SUGCT: variants seen among roughly 807,000 people sequenced by gnomAD.
SUGCT encodes succinyl-CoA:glutarate-CoA transferase, also known as succinyl-CoA:glutarate CoA-transferase.
SUGCT carries 41 observed loss-of-function variants against 55.0 expected under a neutral mutation model. The ratio of observed to expected loss-of-function variants is 0.74; its 90% confidence interval spans 0.58 to 0.97. The LOEUF (loss-of-function observed/expected upper bound fraction) is 0.97. Among genes scored for constraint, SUGCT ranks in the 50% least tolerant of loss-of-function variants. The pLI, the probability that SUGCT is intolerant of heterozygous loss-of-function variation, is 0.00. For missense variants in SUGCT, 568 were observed against 547.8 expected, an observed-to-expected ratio of 1.04 and a Z score of -0.37; for synonymous variants, 187 against 200.4, an observed-to-expected ratio of 0.93 and a Z score of 0.56.
intron 13 of SUGCT, among the ~76,000 whole-genome samples, chr7:40,755,081 C>G (rs1320556912): frequency 6.6e-6 from 1 of 152,086 alleles, no homozygotes; most frequent in Non-Finnish European, 1.5e-5. Context: ...CACAGTGACC[C>G]CGAAGAGGGA....
chr7:40,183,945 G>A (rs375977435), intron 3 of SUGCT, among the ~76,000 whole-genome samples: 2 of 152,112 alleles, frequency 1.3e-5, no homozygotes, highest in African/African-American at 4.8e-5. Flanking sequence ...AGGACGAGGT[G>A]GGCGGATCGT....
intron 12 of SUGCT, among the ~76,000 whole-genome samples, chr7:40,679,727 A>C (rs1378632453): frequency 6.6e-6 from 1 of 152,212 alleles, no homozygotes; most frequent in African/African-American, 2.4e-5. Context: ...TAGAAGGTAG[A>C]GTCCTGAGTC....
chr7:40,241,669 T>A (rs931748289), intron 7 of SUGCT, among the ~76,000 whole-genome samples: 1 of 149,986 alleles, frequency 6.7e-6, no homozygotes, highest in Admixed American at 6.7e-5. Flanking sequence ...TGCCTGTAAT[T>A]CCAGCACTTT....
At chr7:40,355,594 A>T (rs944939453) in intron 9 of SUGCT, among the ~76,000 whole-genome samples, 2 of 152,350 alleles carry the variant, frequency 1.3e-5, no homozygotes, top group East Asian at 3.9e-4. Context: ...TATTTATGCA[A>T]TAAGAGAGGA....
At chr7:40,725,412 C>T (rs918781965) in intron 12 of SUGCT, among the ~76,000 whole-genome samples, 3 of 152,208 alleles carry the variant, frequency 2.0e-5, no homozygotes, top group Admixed American at 6.5e-5. Flanking sequence ...TGACACAATG[C>T]GTTTTCCGTG....
At chr7:40,930,560 G>A in the SUGCT span, among the ~76,000 whole-genome samples, 7 of 152,228 alleles carry the variant, frequency 4.6e-5, no homozygotes, top group South Asian at 6.2e-4. Flanking sequence ...TGAGCATGGA[G>A]TGTTCTTCCA....
At chr7:40,391,516 A>G (rs998485225) in intron 9 of SUGCT, among the ~76,000 whole-genome samples, 3 of 152,244 alleles carry the variant, frequency 2.0e-5, no homozygotes, top group African/African-American at 4.8e-5. Context: ...TTATGCAGCC[A>G]ACAGACACAT....
At chr7:40,370,344 C>T (rs1447484136) in intron 9 of SUGCT, among the ~76,000 whole-genome samples, 2 of 152,000 alleles carry the variant, frequency 1.3e-5, no homozygotes, top group Non-Finnish European at 2.9e-5. Flanking sequence ...TCTGTAGGGC[C>T]CTGCACTGTA....
intron 13 of SUGCT, among the ~76,000 whole-genome samples, chr7:40,800,458 T>A (rs941748032): frequency 3.3e-5 from 5 of 151,896 alleles, no homozygotes; most frequent in Admixed American, 6.6e-5. Context: ...CTGGCTAATT[T>A]TTTTTGTATT....
chr7:40,559,166 C>T (rs530965300), intron 12 of SUGCT, among the ~76,000 whole-genome samples: 1 of 152,284 alleles, frequency 6.6e-6, no homozygotes, highest in South Asian at 2.1e-4. Flanking sequence ...TAAAAGCTCT[C>T]CACATGGGTC....
chr7:40,865,581 A>T (rs1391604384), downstream of SUGCT, among the ~76,000 whole-genome samples: 1 of 152,192 alleles, frequency 6.6e-6, no homozygotes, highest in Non-Finnish European at 1.5e-5. Context: ...TTCCAGGCCC[A>T]GACACTTTGT....
At chr7:40,795,378 T>C (rs962662717) in intron 13 of SUGCT, among the ~76,000 whole-genome samples, 2 of 152,128 alleles carry the variant, frequency 1.3e-5, no homozygotes, top group Non-Finnish European at 2.9e-5. Context: ...CATCCTCAAA[T>C]TGAAATGTGT....
intron 11 of SUGCT, among the ~76,000 whole-genome samples, chr7:40,482,859 A>G (rs533972551): frequency 1.3e-5 from 2 of 152,314 alleles, no homozygotes; most frequent in African/African-American, 4.8e-5. Flanking sequence ...TTTTAAGAGC[A>G]AGTTATATGG....
intron 9 of SUGCT, among the ~76,000 whole-genome samples, chr7:40,340,781 T>A (rs1018587335): frequency 2.6e-5 from 4 of 152,088 alleles, no homozygotes; most frequent in Admixed American, 2.6e-4. Flanking sequence ...AGATAGAAGG[T>A]CGACTGGAGA....
the SUGCT span, among the ~76,000 whole-genome samples, chr7:41,004,067 G>T: frequency 6.6e-6 from 1 of 152,108 alleles, no homozygotes; most frequent in Non-Finnish European, 1.5e-5. Context: ...TTGCTTCCTG[G>T]ATCGCCCCAC....
intron 12 of SUGCT, among the ~76,000 whole-genome samples, chr7:40,729,282 G>C (rs1417407919): frequency 6.6e-6 from 1 of 152,208 alleles, no homozygotes; most frequent in Non-Finnish European, 1.5e-5. Flanking sequence ...TACTGTGCTA[G>C]AGGCTAGGGA....
chr7:40,295,670 G>T (rs1369816720), intron 8 of SUGCT, among the ~76,000 whole-genome samples: 1 of 152,128 alleles, frequency 6.6e-6, no homozygotes, highest in Non-Finnish European at 1.5e-5. Context: ...TCTTTTAGTG[G>T]TATAATTGGC....
chr7:40,647,206 G>T (rs1313184240), intron 12 of SUGCT, among the ~76,000 whole-genome samples: 1 of 152,192 alleles, frequency 6.6e-6, no homozygotes, highest in Non-Finnish European at 1.5e-5. Flanking sequence ...GCACTTGAAG[G>T]ATATCAAAGA....
At chr7:40,307,156 A>G (rs187388844) in intron 8 of SUGCT, among the ~76,000 whole-genome samples, 8 of 152,336 alleles carry the variant, frequency 5.3e-5, no homozygotes, top group African/African-American at 1.4e-4. Flanking sequence ...TTTTAAAACT[A>G]TTTAACAACT....
Sources: gnomAD v4.1 joint callset for allele counts (sites outside exome capture counted in the v4.1 genomes callset) on GRCh38, gnomAD v4.1.1 for gene constraint, MANE v1.5 for transcripts, NCBI Gene and HGNC (gene_info 2026-07-23, HGNC 2026-07-21) for gene names.